The following EPB41L5 variants were observed in gnomAD, a reference collection of about 807,000 sequenced individuals.
The protein encoded by EPB41L5 is erythrocyte membrane protein band 4.1 like 5.
In EPB41L5, 55 loss-of-function variants were observed where a neutral mutation model predicts 106.6. The observed-to-expected ratio is 0.52, with a 90% CI of 0.42 to 0.65. The LOEUF (loss-of-function observed/expected upper bound fraction) is 0.65, where lower values mean the gene tolerates loss of function less well. Among genes scored for constraint, EPB41L5 ranks in the 30% least tolerant of loss-of-function variants. The probability of loss-of-function intolerance (pLI) is 0.00; values close to 1 mark genes in which losing one functional copy is unlikely to be tolerated. For synonymous variants in EPB41L5, 297 were observed against 306.7 expected (o/e 0.97, Z 0.33); for missense variants, 871 against 882.1 (o/e 0.99, Z 0.16).
At chr2:120,163,158 TG>T (rs1687207800) in intron 21 of EPB41L5, among the ~76,000 whole-genome samples, 1 of 151,468 alleles carries the variant, frequency 6.6e-6, no homozygotes, top group South Asian at 2.1e-4. Context: ...GGGCAGCTGA[TG>T]TGGGAGGATA....
intron 20 of EPB41L5, among the ~76,000 whole-genome samples, chr2:120,158,225 GAC>G (rs2105529594): frequency 6.6e-6 from 1 of 152,220 alleles, no homozygotes; most frequent in East Asian, 1.9e-4. Flanking sequence ...GAGGAGGAGG[GAC>G]TCCTCCATAA....
chr2:120,121,960 G>C (rs1349111620), intron 16 of EPB41L5, among the ~76,000 whole-genome samples: 2 of 152,070 alleles, frequency 1.3e-5, no homozygotes, highest in African/African-American at 4.8e-5. Flanking sequence ...TGTGTCTGTT[G>C]GCTGCATAAA....
intron 16 of EPB41L5, among the ~76,000 whole-genome samples, chr2:120,121,380 G>T (rs1249818852): frequency 6.6e-6 from 1 of 152,056 alleles, no homozygotes; most frequent in Non-Finnish European, 1.5e-5. Flanking sequence ...GCCCCAGTGT[G>T]TGGTGTTCCC....
intron 1 of EPB41L5, among the ~76,000 whole-genome samples, chr2:120,016,205 G>A (rs1320263265): frequency 6.6e-6 from 1 of 152,018 alleles, no homozygotes; most frequent in Admixed American, 6.6e-5. Context: ...CGAGGCGGGC[G>A]GATCACCTGA....
chr2:120,133,680 G>C (rs1685802705), intron 18 of EPB41L5, among the ~76,000 whole-genome samples: 1 of 152,234 alleles, frequency 6.6e-6, no homozygotes, highest in East Asian at 1.9e-4. Context: ...GATAGTCTAG[G>C]CCACAAGGAC....
chr2:120,036,100 G>A (rs2105188601), intron 2 of EPB41L5, among the ~76,000 whole-genome samples: 1 of 152,204 alleles, frequency 6.6e-6, no homozygotes, highest in South Asian at 2.1e-4. Context: ...TCAGACAGTG[G>A]GTGGAAGTGT....
chr2:120,036,641 C>G (rs1305090359), intron 2 of EPB41L5, among the ~76,000 whole-genome samples: 3 of 151,936 alleles, frequency 2.0e-5, no homozygotes, highest in Non-Finnish European at 4.4e-5. Flanking sequence ...AAAGAAAAGT[C>G]TAATAAATTT....
intron 24 of EPB41L5, among the ~76,000 whole-genome samples, chr2:120,172,899 T>C (rs1687747187): frequency 6.6e-6 from 1 of 152,120 alleles, no homozygotes; most frequent in African/African-American, 2.4e-5. Context: ...TTATATTACA[T>C]GTCTGAATGT....
chr2:120,130,181 AGCACC>A (rs1296614444), intron 17 of EPB41L5, among the ~76,000 whole-genome samples: 5 of 150,422 alleles, frequency 3.3e-5, no homozygotes, highest in African/African-American at 4.9e-5. Flanking sequence ...AGAGTTAGTG[AGCACC>A]TCATTACAGA....
chr2:120,025,979 C>T (rs767005998), intron 2 of EPB41L5, among the ~76,000 whole-genome samples: 3 of 152,052 alleles, frequency 2.0e-5, no homozygotes, highest in South Asian at 4.2e-4. Context: ...CAAACCCATG[C>T]GGTCATGGGT....
chr2:120,088,214 T>C, intron 11 of EPB41L5, among the ~76,000 whole-genome samples: 1 of 152,220 alleles, frequency 6.6e-6, no homozygotes, highest in Admixed American at 6.5e-5. Context: ...TTGACTGCTA[T>C]ACTTTTCCTG....
intron 16 of EPB41L5, among the ~76,000 whole-genome samples, chr2:120,120,231 C>T (rs1343550547): frequency 6.6e-6 from 1 of 151,948 alleles, no homozygotes; most frequent in Non-Finnish European, 1.5e-5. Flanking sequence ...CAGTTCGAGA[C>T]CAGCCTGGCC....
chr2:120,076,794 T>G (rs1289777743), intron 7 of EPB41L5, among the ~76,000 whole-genome samples, 177 bp from the exon 8 acceptor site: 1 of 152,146 alleles, frequency 6.6e-6, no homozygotes, highest in Admixed American at 6.6e-5. Flanking sequence ...AAAATAAATA[T>G]GAGATATATG....
chr2:120,037,829 C>A (rs528330777), intron 2 of EPB41L5, among the ~76,000 whole-genome samples: 1 of 152,238 alleles, frequency 6.6e-6, no homozygotes, highest in East Asian at 1.9e-4. Flanking sequence ...GATGAGAAAA[C>A]TGGATACCCA....
intron 2 of EPB41L5, among the ~76,000 whole-genome samples, chr2:120,024,374 G>C (rs1266725755): frequency 1.3e-5 from 2 of 152,164 alleles, no homozygotes; most frequent in Non-Finnish European, 2.9e-5. Flanking sequence ...AGTTTATTGA[G>C]TGTTTTTAGC....
intron 18 of EPB41L5, among the ~76,000 whole-genome samples, chr2:120,136,145 CTTG>C (rs959022887): frequency 1.3e-5 from 2 of 148,752 alleles, no homozygotes; most frequent in African/African-American, 2.5e-5. Context: ...TTTCTCTTTG[CTTG>C]TTAATTTTTT....
At chr2:120,079,209 C>T (rs930277963) in intron 10 of EPB41L5, among the ~76,000 whole-genome samples, 4 of 152,120 alleles carry the variant, frequency 2.6e-5, no homozygotes, top group African/African-American at 7.2e-5. Context: ...GGACTGTTAG[C>T]GCAAAGACCT....
At chr2:120,095,223 A>T (rs1359715626) in intron 14 of EPB41L5, among the ~76,000 whole-genome samples, 1 of 152,070 alleles carries the variant, frequency 6.6e-6, no homozygotes, top group East Asian at 1.9e-4. Flanking sequence ...ATGTGTTGTT[A>T]ATTGTTATAT....
chr2:120,027,276 G>A (rs1431605166), intron 2 of EPB41L5, among the ~76,000 whole-genome samples: 1 of 152,162 alleles, frequency 6.6e-6, no homozygotes, highest in Non-Finnish European at 1.5e-5. Flanking sequence ...TAGTTAAAAA[G>A]TAGAAATAAC....
Sources: gnomAD v4.1 joint callset for allele counts (sites outside exome capture counted in the v4.1 genomes callset) on GRCh38, gnomAD v4.1.1 for gene constraint, MANE v1.5 for transcripts, NCBI Gene and HGNC (gene_info 2026-07-23, HGNC 2026-07-21) for gene names.